Variants in DCDC2 observed in about 807,000 individuals in gnomAD.
DCDC2 encodes the protein doublecortin domain-containing protein 2.
Under a neutral mutation model 50.2 loss-of-function variants are expected in DCDC2, and 40 were observed. That is an observed-to-expected ratio of 0.80 (90% CI 0.62 to 1.04). The LOEUF is 1.04. Among genes scored for constraint, DCDC2 ranks in the 50% least tolerant of loss-of-function variants. DCDC2 has a pLI of 0.00. For synonymous variants in DCDC2, 234 were observed against 210.6 expected, an observed-to-expected ratio of 1.11 and a Z score of -0.96; for missense variants, 570 against 581.9, an observed-to-expected ratio of 0.98 and a Z score of 0.21.
chr6:24,265,457 A>G (rs1301248189), intron 7 of DCDC2, among the ~76,000 whole-genome samples: 1 of 152,224 alleles, frequency 6.6e-6, no homozygotes, highest in Non-Finnish European at 1.5e-5. Flanking sequence ...ACAGCTGCAG[A>G]ACACACGTTC....
chr6:24,179,044 T>TA (rs562785761), intron 8 of DCDC2, among the ~76,000 whole-genome samples: 4,515 of 146,394 alleles, frequency 0.031, 113 homozygotes, highest in South Asian at 0.075. Context: ...GGAAGAGGTT[T>TA]AAAAAAAAAA....
chr6:24,354,028 G>T lies in DCDC2; in HGVS notation c.294-405C>A, dbSNP rs754176778. On this transcript the variant is annotated intron_variant, in intron 1 of 9. Transcript: ENST00000378454. ...GGAAGTACTGATAGCGTGCATTAGGGTAACAACTGGGAAAGGCTGAGAAAT... is the reference window on the plus strand; with the variant it reads ...GGAAGTACTGATAGCGTGCATTAGGTTAACAACTGGGAAAGGCTGAGAAAT... Among the ~76,000 whole-genome samples, 90 of 152,260 alleles carry T rather than the reference G, an allele frequency of 5.9e-4. 1 individual carries two copies. The highest frequency in any genetic ancestry group is 1.1e-3 in the Non-Finnish European group (74 of 68,018).
intron 7 of DCDC2, among the ~76,000 whole-genome samples, chr6:24,275,996 A>G (rs994632450): frequency 6.6e-6 from 1 of 150,498 alleles, no homozygotes; most frequent in Non-Finnish European, 1.5e-5. Flanking sequence ...TAGCCTCTCA[A>G]GTAGCTAGGA....
chr6:24,265,606 G>A (rs897226041), intron 7 of DCDC2, among the ~76,000 whole-genome samples: 2 of 152,022 alleles, frequency 1.3e-5, no homozygotes, highest in African/African-American at 4.8e-5. Context: ...TCAGTAACAA[G>A]AACTCTGGAA....
intron 8 of DCDC2, among the ~76,000 whole-genome samples, chr6:24,192,903 T>C (rs1414661772): frequency 2.6e-5 from 4 of 151,850 alleles, no homozygotes; most frequent in Admixed American, 6.6e-5. Flanking sequence ...AAAAAGCCCA[T>C]TGAGTATCCA....
upstream of DCDC2, among the ~76,000 whole-genome samples, chr6:24,360,971 A>G (rs973976349): frequency 3.3e-5 from 5 of 152,216 alleles, no homozygotes; most frequent in African/African-American, 1.2e-4. Context: ...CGAAAGAGAG[A>G]GAGAGAGTTC....
At chr6:24,357,352 G>T in intron 1 of DCDC2, 106 bp downstream of exon 1, 1 of 1,331,446 alleles carries the variant, frequency 7.5e-7, no homozygotes, top group Non-Finnish European at 1.0e-6. Context: ...AGAAGTCACA[G>T]CCCCTCAACC....
At chr6:24,345,129 C>T (rs1163694809) in intron 2 of DCDC2, among the ~76,000 whole-genome samples, 1 of 152,144 alleles carries the variant, frequency 6.6e-6, no homozygotes, top group Non-Finnish European at 1.5e-5. Context: ...CTCTTTGAAG[C>T]CTCTTGGGTC....
At chr6:24,318,819 T>C (rs55937934) in intron 2 of DCDC2, among the ~76,000 whole-genome samples, 27,500 of 146,440 alleles carry the variant, frequency 0.19, 2,623 homozygotes, top group African/African-American at 0.26. Flanking sequence ...ACATTTTCTG[T>C]ATCCAGTTAT....
At chr6:24,207,017 C>A (rs2113763192) in intron 7 of DCDC2, among the ~76,000 whole-genome samples, 1 of 152,096 alleles carries the variant, frequency 6.6e-6, no homozygotes, top group Non-Finnish European at 1.5e-5. Flanking sequence ...GCTAGAAAGG[C>A]CTTTGTGATA....
chr6:24,323,648 T>TC (rs1458365071), intron 2 of DCDC2, among the ~76,000 whole-genome samples: 1 of 152,076 alleles, frequency 6.6e-6, no homozygotes, highest in Non-Finnish European at 1.5e-5. Context: ...AAGAGACCTC[T>TC]CCCTGTCTTC....
intron 7 of DCDC2, among the ~76,000 whole-genome samples, chr6:24,220,903 C>CGAGCGAGCGAGAGAGCGAGCGAGCGAGT (rs1762100208): frequency 4.0e-5 from 5 of 126,216 alleles, no homozygotes; most frequent in African/African-American, 1.3e-4. Flanking sequence ...AGCGAGCGAG[C>CGAGCGAGCGAGAGAGCGAGCGAGCGAGT]GAGAGAGTGA....
intron 2 of DCDC2, among the ~76,000 whole-genome samples, chr6:24,342,436 G>A (rs543231199): frequency 6.6e-6 from 1 of 152,260 alleles, no homozygotes; most frequent in East Asian, 1.9e-4. Context: ...CAGTCACTCC[G>A]GCAGTCTTCT....
intron 2 of DCDC2, among the ~76,000 whole-genome samples, chr6:24,335,413 A>G (rs1760040637): frequency 6.6e-6 from 1 of 152,196 alleles, no homozygotes; most frequent in African/African-American, 2.4e-5. Flanking sequence ...TTATTCGACC[A>G]TCAAAGGATG....
At chr6:24,197,151 A>C (rs1284455051) in intron 8 of DCDC2, among the ~76,000 whole-genome samples, 1 of 152,174 alleles carries the variant, frequency 6.6e-6, no homozygotes, top group African/African-American at 2.4e-5. Context: ...TCTGTTTCTC[A>C]GTATCTCCTG....
At chr6:24,341,055 C>G (rs2127248043) in intron 2 of DCDC2, among the ~76,000 whole-genome samples, 1 of 152,250 alleles carries the variant, frequency 6.6e-6, no homozygotes, top group Admixed American at 6.5e-5. Flanking sequence ...AAGTTGGCAG[C>G]CCAGTTACAT....
At chr6:24,369,638 C>T in the DCDC2 span, among the ~76,000 whole-genome samples, 10 of 151,682 alleles carry the variant, frequency 6.6e-5, no homozygotes, top group East Asian at 5.8e-4. Flanking sequence ...CTGAGTGTAA[C>T]GGCCAAACTG....
At chr6:24,255,322 A>G (rs1198023858) in intron 7 of DCDC2, among the ~76,000 whole-genome samples, 1 of 152,044 alleles carries the variant, frequency 6.6e-6, no homozygotes, top group Non-Finnish European at 1.5e-5. Context: ...ACAGATTGTA[A>G]CTTTAACAGT....
intron 8 of DCDC2, among the ~76,000 whole-genome samples, chr6:24,184,561 ACT>A (rs1250879924): frequency 1.4e-5 from 2 of 138,080 alleles, no homozygotes; most frequent in African/African-American, 5.6e-5. Context: ...ACAGAGAGAG[ACT>A]CTGTCTCAAA....
Sources: allele counts gnomAD v4.1 joint callset (sites outside exome capture counted in the v4.1 genomes callset), GRCh38; gene constraint gnomAD v4.1.1; transcripts MANE v1.5; gene names NCBI Gene and HGNC (gene_info 2026-07-23, HGNC 2026-07-21).